Variants in ERICH1 observed in about 807,000 individuals in gnomAD.
The protein encoded by ERICH1 is glutamate-rich protein 1.
Under a neutral mutation model 39.6 loss-of-function variants are expected in ERICH1, and 56 were observed. The observed-to-expected ratio is 1.41, with a 90% CI of 1.14 to 1.77. The LOEUF is 1.77. Ranked by LOEUF, ERICH1 falls within the 40% of genes most tolerant of loss-of-function variation. The probability of loss-of-function intolerance (pLI) is 0.00; values close to 1 mark genes in which losing one functional copy is unlikely to be tolerated. For missense variants in ERICH1, 826 were observed against 575.4 expected (o/e 1.44, Z -4.45); for synonymous variants, 313 against 223.6 (o/e 1.40, Z -3.57).
chr8:708,700 T>TG (rs1563319752), intron 2 of ERICH1, among the ~76,000 whole-genome samples: 3 of 136,020 alleles, frequency 2.2e-5, no homozygotes, highest in African/African-American at 5.6e-5. Context: ...TTTTTTTTTT[T>TG]TTTTTTTTTT....
chr8:719,162 G>A (rs1016304734), intron 1 of ERICH1, among the ~76,000 whole-genome samples: 3 of 152,102 alleles, frequency 2.0e-5, no homozygotes, highest in African/African-American at 4.8e-5. Flanking sequence ...CAGGCCTGGC[G>A]AGGCTCAGGG....
intron 2 of ERICH1, among the ~76,000 whole-genome samples, chr8:699,181 A>G (rs1811077265): frequency 6.6e-6 from 1 of 152,040 alleles, no homozygotes; most frequent in South Asian, 2.1e-4. Context: ...CCATTCTACA[A>G]TATGGTCACA....
chr8:621,800 A>G (rs891008015), intron 3 of ERICH1, among the ~76,000 whole-genome samples: 6 of 152,236 alleles, frequency 3.9e-5, no homozygotes, highest in African/African-American at 1.4e-4. Flanking sequence ...AAGGATTATA[A>G]GTGAATAATA....
At chr8:715,437 G>A (rs1405306512) in intron 2 of ERICH1, among the ~76,000 whole-genome samples, 1 of 152,178 alleles carries the variant, frequency 6.6e-6, no homozygotes, top group Admixed American at 6.5e-5. Flanking sequence ...TGGGACAGAC[G>A]TCTGCCAAAG....
At chr8:703,453 T>C (rs574290728) in intron 2 of ERICH1, among the ~76,000 whole-genome samples, 2 of 152,082 alleles carry the variant, frequency 1.3e-5, no homozygotes, top group East Asian at 3.9e-4. Flanking sequence ...CCAAGGAGCC[T>C]GGAAGTGGGG....
At chr8:677,311 G>C (rs1466672313) in intron 3 of ERICH1, among the ~76,000 whole-genome samples, 1 of 152,214 alleles carries the variant, frequency 6.6e-6, no homozygotes, top group Non-Finnish European at 1.5e-5. Context: ...CGCCGCTGTG[G>C]AACTGTGAGA....
intron 3 of ERICH1, among the ~76,000 whole-genome samples, chr8:649,657 G>C (rs886797224): frequency 6.6e-6 from 1 of 152,182 alleles, no homozygotes; most frequent in South Asian, 2.1e-4. Flanking sequence ...CTGCAGGAAG[G>C]TGGGCTCAGA....
At chr8:660,576 C>G (rs1313964500), downstream of ERICH1, among the ~76,000 whole-genome samples, 1 of 152,244 alleles carries the variant, frequency 6.6e-6, no homozygotes, top group Non-Finnish European at 1.5e-5. Context: ...GAATCCCCAC[C>G]CAAAGACACT....
chr8:720,400 A>G (rs778594579), intron 1 of ERICH1, among the ~76,000 whole-genome samples: 2 of 152,222 alleles, frequency 1.3e-5, no homozygotes, highest in Non-Finnish European at 2.9e-5. Context: ...ACAGGATAAC[A>G]AAGCTGATAA....
At chr8:697,166 G>A (rs1329425239) in intron 2 of ERICH1, among the ~76,000 whole-genome samples, 1 of 152,162 alleles carries the variant, frequency 6.6e-6, no homozygotes, top group Non-Finnish European at 1.5e-5. Context: ...GAATCCAGCA[G>A]CGAACTCTCG....
At chr8:690,585 G>A (rs576526258) in intron 3 of ERICH1, among the ~76,000 whole-genome samples, 189 of 152,366 alleles carry the variant, frequency 1.2e-3, no homozygotes, top group Non-Finnish European at 2.4e-3. Context: ...GGGCAGCCAG[G>A]AGGGGCCAGA....
In ERICH1 at chr8:630,189, CCGTG is replaced by C. The variant is rs2117102150; in HGVS notation, c.977-14909_977-14906del. On this transcript the variant is annotated intron_variant, in intron 3 of 3. Coordinates refer to the ERICH1 transcript ENST00000522706. ...ACAGACAGAGCTGACTCACACCCTCCCGTGACCACCCAGAGCTGACTCACACCCT... is the reference window on the plus strand; with the variant it reads ...ACAGACAGAGCTGACTCACACCCTCCACCACCCAGAGCTGACTCACACCCT... 1.4e-5 allele frequency among the ~76,000 whole-genome samples: 2 copies of C among 137,970 alleles called. 1 individual carries two copies. The highest frequency in any genetic ancestry group is 5.8e-5 in the African/African-American group (2 of 34,502). 90.5% of individuals were successfully genotyped at this position (137,970 alleles called of 152,430 possible).
At chr8:699,820 A>AGACACCCTCACAG (rs1811366272) in intron 2 of ERICH1, among the ~76,000 whole-genome samples, 1 of 58,992 alleles carries the variant, frequency 1.7e-5, no homozygotes, top group Non-Finnish European at 3.2e-5. Context: ...GATCCGCACA[A>AGACACCCTCACAG]GCGCACAGAC....
intron 3 of ERICH1, among the ~76,000 whole-genome samples, chr8:690,389 T>C (rs1447255528): frequency 1.3e-5 from 2 of 152,232 alleles, no homozygotes; most frequent in African/African-American, 2.4e-5. Context: ...ACACAGGCCC[T>C]AATTGATATG....
intron 2 of ERICH1, among the ~76,000 whole-genome samples, chr8:709,413 G>A (rs1037274114): frequency 1.3e-5 from 2 of 152,160 alleles, no homozygotes; most frequent in Admixed American, 6.5e-5. Context: ...CTGTTTCTCC[G>A]TGTGCCCACC....
At chr8:707,767 C>A (rs1243998836) in intron 2 of ERICH1, among the ~76,000 whole-genome samples, 1 of 152,134 alleles carries the variant, frequency 6.6e-6, no homozygotes, top group Non-Finnish European at 1.5e-5. Flanking sequence ...ATAAAAAACA[C>A]AGGCAACAAA....
At chr8:670,440 C>T (rs1451268418) in intron 4 of ERICH1, among the ~76,000 whole-genome samples, 4 of 152,240 alleles carry the variant, frequency 2.6e-5, no homozygotes, top group African/African-American at 9.6e-5. Flanking sequence ...GCGACATTTT[C>T]CTCTAGAGGG....
intron 5 of ERICH1, 47 bp from the exon 6 acceptor site, chr8:664,723 G>A (rs1411728254): frequency 1.3e-6 from 2 of 1,491,304 alleles, no homozygotes; most frequent in South Asian, 1.2e-5. Flanking sequence ...AAGACAAAAA[G>A]AAAAATCATA....
chr8:653,780 T>C (rs1800267091), intron 3 of ERICH1, among the ~76,000 whole-genome samples: 1 of 151,586 alleles, frequency 6.6e-6, no homozygotes, highest in Non-Finnish European at 1.5e-5. Flanking sequence ...GAAGGACGAA[T>C]CCCGCAGGGT....
Sources: allele counts gnomAD v4.1 joint callset (sites outside exome capture counted in the v4.1 genomes callset), GRCh38; gene constraint gnomAD v4.1.1; transcripts MANE v1.5; gene names NCBI Gene and HGNC (gene_info 2026-07-23, HGNC 2026-07-21).